Variants in PIGK observed in about 807,000 individuals in gnomAD.
PIGK encodes the protein phosphatidylinositol glycan anchor biosynthesis class K, also known as GPI-anchor transamidase.
In PIGK, 42 loss-of-function variants were observed where a neutral mutation model predicts 50.6. That is an observed-to-expected ratio of 0.83 (90% CI 0.65 to 1.07). The LOEUF is 1.07. Among genes scored for constraint, PIGK ranks in the 50% least tolerant of loss-of-function variants. The pLI is 0.00. For synonymous variants in PIGK, 151 were observed against 156.0 expected (o/e 0.97, Z 0.24); for missense variants, 448 against 488.7 (o/e 0.92, Z 0.78).
intron 3 of PIGK, among the ~76,000 whole-genome samples, chr1:77,179,891 T>C (rs1655573363): frequency 6.6e-6 from 1 of 152,172 alleles, no homozygotes; most frequent in Non-Finnish European, 1.5e-5. Context: ...ATAAACATTC[T>C]TTGAATGCCA....
At chr1:77,204,984 T>C (rs1421015731) in intron 3 of PIGK, among the ~76,000 whole-genome samples, 1 of 152,188 alleles carries the variant, frequency 6.6e-6, no homozygotes, top group Admixed American at 6.5e-5. Flanking sequence ...CAGTTATAGA[T>C]AAGCAATTAT....
rs984831613 is a variant in PIGK at position 77,180,717 on chromosome 1, TG to T, written c.240-11323del. On this transcript the variant is annotated intron_variant, in intron 3 of 10. Coordinates refer to ENST00000370812, the MANE Select transcript of PIGK (RefSeq NM_005482.3). ...CAGGACAACTAGAAGTGGGTGGGGG[TG>T]GGGGGGGCTTCCAGGTCATAGGTAG... is the stretch of plus-strand genomic sequence containing the variant. Among the ~76,000 whole-genome samples the T allele has an allele frequency of 1.4e-4, 7 of 48,342 alleles. No homozygotes were observed. In the East Asian group the frequency reaches 2.2e-3, roughly 15 times the overall value. The allele number at this position is 48,342 out of a possible 152,430, so 31.7% of individuals were successfully genotyped here.
At position 77,184,433 on chromosome 1, in the gene PIGK, A is replaced by G. The variant is rs527504948; in HGVS notation, c.240-15038T>C. The stretch of plus-strand genomic sequence containing the variant: ...GAGGAAGGACCCCACTACATAACCA[A>G]CAGCTTATGCAGTGAATCTTTCTCC... On this transcript the variant is annotated intron_variant, in intron 3 of 10. Transcript: ENST00000370812. 2.6e-5 allele frequency among the ~76,000 whole-genome samples: 4 copies of G among 152,328 alleles called. No homozygotes were observed. In the East Asian group the frequency reaches 7.7e-4, roughly 29 times the overall value.
chr1:77,107,805 A>C (rs545056409), intron 10 of PIGK, among the ~76,000 whole-genome samples: 1 of 152,318 alleles, frequency 6.6e-6, no homozygotes, highest in South Asian at 2.1e-4. Flanking sequence ...TACGATAGTT[A>C]GCTCTTCTTG....
At chr1:77,154,932 C>T (rs1478224706) in intron 8 of PIGK, among the ~76,000 whole-genome samples, 1 of 152,156 alleles carries the variant, frequency 6.6e-6, no homozygotes. Context: ...TCATACTCAA[C>T]ACGATGAAAA....
intron 10 of PIGK, among the ~76,000 whole-genome samples, chr1:77,110,319 A>G (rs1366015701): frequency 6.6e-6 from 1 of 152,178 alleles, no homozygotes; most frequent in African/African-American, 2.4e-5. Context: ...CTAAGCCAAA[A>G]GAACAAAGCT....
chr1:77,154,871 T>G (rs1419896491), intron 8 of PIGK, among the ~76,000 whole-genome samples: 1 of 152,204 alleles, frequency 6.6e-6, no homozygotes, highest in Non-Finnish European at 1.5e-5. Context: ...CATACTCACT[T>G]TCTTGAATTA....
chr1:77,120,369 C>T (rs949774178), intron 10 of PIGK, among the ~76,000 whole-genome samples: 10 of 151,938 alleles, frequency 6.6e-5, no homozygotes, highest in Non-Finnish European at 1.2e-4. Context: ...CAGGCACGCA[C>T]CACTAAGCCC....
chr1:77,187,806 G>A (rs1655785426), intron 3 of PIGK, among the ~76,000 whole-genome samples: 2 of 152,214 alleles, frequency 1.3e-5, no homozygotes, highest in Admixed American at 1.3e-4. Context: ...ACCCCAAACG[G>A]ATGGACCGGC....
At chr1:77,149,079 G>A (rs750675179) in intron 9 of PIGK, among the ~76,000 whole-genome samples, 5 of 151,658 alleles carry the variant, frequency 3.3e-5, no homozygotes, top group Admixed American at 6.6e-5. Context: ...TAACCACAAA[G>A]CAAAAACCTA....
At chr1:77,153,686 T>C (rs1654944077) in intron 9 of PIGK, 1 of 152,092 alleles carries the variant, frequency 6.6e-6, no homozygotes, top group Non-Finnish European at 1.5e-5. Flanking sequence ...CTTGTGCCAG[T>C]GTTTGAATTT....
intron 10 of PIGK, among the ~76,000 whole-genome samples, chr1:77,103,714 T>C (rs534313781): frequency 6.6e-6 from 1 of 152,166 alleles, no homozygotes; most frequent in Non-Finnish European, 1.5e-5. Context: ...CAGGGAGGTT[T>C]AGGCGGTTAG....
chr1:77,204,927 CAACT>C (rs1656256130), intron 3 of PIGK, among the ~76,000 whole-genome samples: 1 of 152,140 alleles, frequency 6.6e-6, no homozygotes, highest in Admixed American at 6.6e-5. Context: ...CTTAAATCAC[CAACT>C]GTTTAAATCC....
chr1:77,180,322 T>G (rs1340498796), intron 3 of PIGK, among the ~76,000 whole-genome samples: 1 of 152,144 alleles, frequency 6.6e-6, no homozygotes, highest in Non-Finnish European at 1.5e-5. Context: ...GCAAGTGTAG[T>G]TACACAGTAG....
At chr1:77,105,369 G>A (rs1653644936) in intron 10 of PIGK, among the ~76,000 whole-genome samples, 1 of 151,766 alleles carries the variant, frequency 6.6e-6, no homozygotes, top group African/African-American at 2.4e-5. Context: ...GGAGAGAGTG[G>A]GCAAACTTTG....
intron 3 of PIGK, among the ~76,000 whole-genome samples, chr1:77,184,622 T>C (rs542041377): frequency 9.9e-4 from 150 of 152,160 alleles, no homozygotes; most frequent in Non-Finnish European, 1.7e-3. Flanking sequence ...AAGTAGGGGC[T>C]CATGGAGGAC....
Position 77,092,385 on chromosome 1 carries a change from ACTT to A in PIGK, c.1174_1176del (p.Lys392del), listed in dbSNP as rs1425390592. The A allele has an allele frequency of 4.6e-6, 7 of 1,511,190 alleles. No homozygotes were observed. The highest frequency in any genetic ancestry group is 6.4e-6 in the Non-Finnish European group (7 of 1,097,632). The allele number at this position is 1,511,190 out of a possible 1,614,324, so 93.6% of individuals were successfully genotyped here. A position where few individuals can be genotyped will look rare whatever the true frequency, so the allele number is the denominator to read the frequency against. ...ATTCATCATCAAGTCTAAAAAATGA[ACTT>A]CATATGCTTAATTCCATAAGTTTTG... On this transcript the variant is annotated inframe_deletion, in exon 11 of 11. Coordinates refer to ENST00000370812, the MANE Select transcript of PIGK (RefSeq NM_005482.3).
chr1:77,111,624 G>C, intron 10 of PIGK, among the ~76,000 whole-genome samples: 1 of 139,292 alleles, frequency 7.2e-6, no homozygotes, highest in East Asian at 2.4e-4. Flanking sequence ...GAGGGAGGGG[G>C]GAGGGTTAGC....
intron 10 of PIGK, among the ~76,000 whole-genome samples, chr1:77,101,088 T>G (rs11807652): frequency 0.19 from 28,496 of 152,022 alleles, 2,827 homozygotes; most frequent in East Asian, 0.36. Context: ...AATTCACAAA[T>G]AAATCTGCCA....
Sources: allele counts gnomAD v4.1 joint callset (sites outside exome capture counted in the v4.1 genomes callset), GRCh38; gene constraint gnomAD v4.1.1; transcripts MANE v1.5; gene names NCBI Gene and HGNC (gene_info 2026-07-23, HGNC 2026-07-21).